TAF15: variants seen among roughly 807,000 people sequenced by gnomAD.
The protein encoded by TAF15 is TATA-box binding protein associated factor 15.
TAF15 carries 37 observed loss-of-function variants against 102.5 expected under a neutral mutation model. That is an observed-to-expected ratio of 0.36 (90% CI 0.28 to 0.47). The LOEUF is 0.47. TAF15 is among the 20% of genes least tolerant of loss of function. The pLI, the probability that TAF15 is intolerant of heterozygous loss-of-function variation, is 0.99. For missense variants in TAF15, 652 were observed against 760.7 expected, an observed-to-expected ratio of 0.86 and a Z score of 1.68; for synonymous variants, 273 against 259.2, an observed-to-expected ratio of 1.05 and a Z score of -0.51.
At chr17:35,810,741 G>C (rs1341976695) in intron 1 of TAF15, 1 of 152,214 alleles carries the variant, frequency 6.6e-6, no homozygotes, top group Admixed American at 6.5e-5. Context: ...TTGCAGGATA[G>C]AAATGTGTGA....
At chr17:35,812,807 A>G (rs2087141691) in intron 1 of TAF15, among the ~76,000 whole-genome samples, 2 of 152,074 alleles carry the variant, frequency 1.3e-5, no homozygotes, top group Admixed American at 1.3e-4. Flanking sequence ...AATTGTTAAA[A>G]TAAACCTAAA....
chr17:35,829,866 A>T lies in TAF15; in HGVS notation c.606-4041A>T, dbSNP rs1298802919. On this transcript the variant is annotated intron_variant, in intron 7 of 15. Coordinates refer to ENST00000605844, the MANE Select transcript of TAF15 (RefSeq NM_139215.3). The stretch of plus-strand genomic sequence containing the variant: ...GTCAAGAATATGCAACTGGCTGGGC[A>T]CATTGGCTCACGCCTGTAATCCCAG... Among the ~76,000 whole-genome samples, 5 of 151,920 alleles carry T rather than the reference A, an allele frequency of 3.3e-5. No homozygotes were observed. The East Asian group carries it at 9.7e-4, about 29-fold the overall frequency.
chr17:35,820,328 T>A lies in TAF15; in HGVS notation c.185-4T>A. ...ACTAAATGATATACTCATCTAATCT[T>A]TAGGTTATTCACAGTCCTATGGTGG... is the stretch of plus-strand genomic sequence containing the variant. On this transcript the variant is annotated splice_polypyrimidine_tract_variant and splice_region_variant and intron_variant, in intron 4 of 15. Coordinates refer to ENST00000605844, the MANE Select transcript of TAF15 (RefSeq NM_139215.3). 1 of 1,613,964 alleles carries A rather than the reference T, an allele frequency of 6.2e-7. No individual in the cohort carries two copies. Among genetic ancestry groups the A allele is most frequent in the Non-Finnish European group, 8.5e-7 (1 of 1,179,858 alleles).
intron 7 of TAF15, among the ~76,000 whole-genome samples, chr17:35,831,406 C>CAAA (rs768297689): frequency 1.3e-5 from 1 of 77,560 alleles, no homozygotes; most frequent in African/African-American, 4.5e-5. Flanking sequence ...GACTCCGTCG[C>CAAA]AAAAAAAAAA....
In TAF15 at chr17:35,830,565, C is replaced by G. The variant is rs192896593; in HGVS notation, c.606-3342C>G. ...AAAGAAAGATTGTTAACCTCAGGCA[C>G]ATCTTCTGTTAATATCTAATAGTAC... is the stretch of plus-strand genomic sequence containing the variant. On this transcript the variant is annotated intron_variant, in intron 7 of 15. Coordinates refer to ENST00000605844, the MANE Select transcript of TAF15 (RefSeq NM_139215.3). Among the ~76,000 whole-genome samples, 29 of 152,318 alleles carry G rather than the reference C, an allele frequency of 1.9e-4. No homozygotes were observed. In the East Asian group the frequency reaches 5.0e-3, roughly 26 times the overall value.
intron 5 of TAF15, among the ~76,000 whole-genome samples, 188 bp downstream of exon 5, chr17:35,820,625 A>G (rs1046678417): frequency 7.9e-5 from 12 of 151,920 alleles, no homozygotes; most frequent in African/African-American, 2.9e-4. Flanking sequence ...GATTCTTATG[A>G]TGTATTTGTG....
intron 1 of TAF15, chr17:35,810,888 C>T (rs2087117094): frequency 6.6e-6 from 1 of 152,174 alleles, no homozygotes; most frequent in African/African-American, 2.4e-5. Flanking sequence ...TGCCCATCTA[C>T]TTCATATAAG....
intron 15 of TAF15, among the ~76,000 whole-genome samples, chr17:35,846,118 A>G (rs1332463823): frequency 1.3e-5 from 2 of 152,232 alleles, no homozygotes; most frequent in African/African-American, 4.8e-5. Flanking sequence ...CCTGTATGCC[A>G]GCGGCAATAT....
At chr17:35,834,633 A>G in intron 9 of TAF15, 35 bp downstream of exon 9, 1 of 1,607,792 alleles carries the variant, frequency 6.2e-7, no homozygotes, top group Non-Finnish European at 8.5e-7. Flanking sequence ...TTTGCCATTA[A>G]GAAAATGTTA....
chr17:35,841,403 T>C (rs1258748583), intron 11 of TAF15, among the ~76,000 whole-genome samples: 1 of 152,146 alleles, frequency 6.6e-6, no homozygotes, highest in Non-Finnish European at 1.5e-5. Context: ...TGGCTTTTTT[T>C]CCCATGTAAA....
intron 5 of TAF15, 131 bp downstream of exon 5, chr17:35,820,568 TTTTACAACTG>T: frequency 1.4e-6 from 1 of 736,012 alleles, no homozygotes; most frequent in Admixed American, 2.5e-5. Context: ...GGAGTGTGGA[TTTTACAACTG>T]TATATTATGG....
chr17:35,828,924 G>A (rs886389623), intron 7 of TAF15, among the ~76,000 whole-genome samples: 1 of 152,148 alleles, frequency 6.6e-6, no homozygotes, highest in African/African-American at 2.4e-5. Flanking sequence ...AGTGGATACT[G>A]TATTGGACAG....
rs769175298 is a variant in TAF15 at position 35,817,762 on chromosome 17, TATAC to T, written c.47+14_47+17del. ...CTGGGGGTGAGCAGCAAAGGTAAAG[TATAC>T]ATACATTTTAATAATATGAAAGGGT... On this transcript the variant is annotated splice_region_variant and intron_variant, in intron 2 of 15. Coordinates refer to ENST00000605844, the MANE Select transcript of TAF15 (RefSeq NM_139215.3). 1 of 1,612,704 alleles carries T rather than the reference TATAC, an allele frequency of 6.2e-7. No homozygotes were observed. The highest frequency in any genetic ancestry group is 1.1e-5 in the South Asian group (1 of 91,046).
chr17:35,810,762 G>A (rs1461109312), intron 1 of TAF15: 1 of 152,164 alleles, frequency 6.6e-6, no homozygotes, highest in African/African-American at 2.4e-5. Flanking sequence ...CTAAAATGAA[G>A]CATCGATCTG....
intron 10 of TAF15, among the ~76,000 whole-genome samples, 175 bp from the exon 11 acceptor site, chr17:35,838,247 TAG>T (rs2087499784): frequency 6.6e-6 from 1 of 152,236 alleles, no homozygotes; most frequent in Admixed American, 6.5e-5. Flanking sequence ...GGTTTTCACT[TAG>T]TGTAGCTTAG....
At chr17:35,836,411 A>G (rs2087475765) in intron 10 of TAF15, among the ~76,000 whole-genome samples, 170 bp downstream of exon 10, 1 of 152,130 alleles carries the variant, frequency 6.6e-6, no homozygotes, top group Non-Finnish European at 1.5e-5. Flanking sequence ...ATATATGAAG[A>G]TTTTATTCCT....
intron 1 of TAF15, among the ~76,000 whole-genome samples, chr17:35,815,525 T>C (rs950128785): frequency 6.6e-6 from 1 of 152,256 alleles, no homozygotes; most frequent in Non-Finnish European, 1.5e-5. Flanking sequence ...AGGGCCTTAC[T>C]GTTAGATTTG....
At chr17:35,837,655 G>A (rs1003821795) in intron 10 of TAF15, among the ~76,000 whole-genome samples, 3 of 151,766 alleles carry the variant, frequency 2.0e-5, no homozygotes, top group African/African-American at 7.3e-5. Flanking sequence ...ATGAAACCCT[G>A]TCTCTACTGA....
In TAF15 at chr17:35,844,936, G is replaced by C. The variant is rs376749338; in HGVS notation, c.1637G>C (p.Ser546Thr). The change falls in exon 15 of 16, where the codon AGT becomes ACT. Residue 546 changes from serine to threonine, a missense_variant. Physicochemically the swap from Ser to Thr is moderately conservative, Grantham distance 58. This residue lies in a region of TAF15 where 368 missense variants were observed against 367.5 expected (regional missense o/e 1.00). Coordinates refer to ENST00000605844, the MANE Select transcript of TAF15 (RefSeq NM_139215.3). The part of the protein sequence containing the change: ...GGGSGYGGDR[S>T]GGYGGDRSGG... ...GGCAGTGGCTACGGTGGAGACCGAA[G>C]TGGAGGCTATGGAGGAGACAGGAGT... 5.6e-6 allele frequency: 9 copies of C among 1,613,234 alleles called. No individual in the cohort carries two copies. Among genetic ancestry groups the C allele is most frequent in the Non-Finnish European group, 7.6e-6 (9 of 1,179,630 alleles).
Sources: allele counts gnomAD v4.1 joint callset (sites outside exome capture counted in the v4.1 genomes callset), GRCh38; gene constraint gnomAD v4.1.1; regional missense constraint gnomAD v4.1.1; transcripts MANE v1.5; gene names NCBI Gene and HGNC (gene_info 2026-07-23, HGNC 2026-07-21).